The following MELK variants were observed in gnomAD, a reference collection of about 807,000 sequenced individuals.
The protein encoded by MELK is pEg3 kinase.
Under a neutral mutation model 85.0 loss-of-function variants are expected in MELK, and 81 were observed. The observed-to-expected ratio is 0.95, with a 90% CI of 0.80 to 1.15. MELK has a LOEUF of 1.15. MELK is among the 50% of genes most tolerant of loss of function. The pLI is 0.00. For missense variants in MELK, 754 were observed against 777.5 expected, an observed-to-expected ratio of 0.97 and a Z score of 0.36; for synonymous variants, 252 against 265.0, an observed-to-expected ratio of 0.95 and a Z score of 0.48.
At chr9:36,604,268 CTTTTTTTTTT>C (rs10598117) in intron 7 of MELK, among the ~76,000 whole-genome samples, 1 of 33,750 alleles carries the variant, frequency 3.0e-5, no homozygotes, top group East Asian at 1.0e-3. Flanking sequence ...CGCGCCCGGG[CTTTTTTTTTT>C]TTTTTTTTTT....
chr9:36,655,374 G>A (rs1831136124), intron 12 of MELK, among the ~76,000 whole-genome samples: 1 of 151,946 alleles, frequency 6.6e-6, no homozygotes, highest in African/African-American at 2.4e-5. Context: ...ATCAGCAAAA[G>A]CAGGGGCACC....
chr9:36,615,367 G>A (rs1225789341), intron 8 of MELK, among the ~76,000 whole-genome samples: 56 of 120,650 alleles, frequency 4.6e-4, no homozygotes, highest in African/African-American at 1.7e-3. Context: ...CCTCCCTCCC[G>A]GTCGGCACGG....
chr9:36,600,155 G>A (rs548441933), intron 7 of MELK, among the ~76,000 whole-genome samples: 8 of 148,620 alleles, frequency 5.4e-5, no homozygotes, highest in African/African-American at 1.7e-4. Flanking sequence ...GTGCAGTGGC[G>A]CGATCTTGGC....
chr9:36,669,669 C>G lies in MELK; in HGVS notation c.1505+263C>G, dbSNP rs555271449. On this transcript the variant is annotated intron_variant, in intron 15 of 17. Transcript: ENST00000298048. ...GGGAAGACAGTGGTCCTCACCCCAGCCAACTAGTTACCTCTCTGAGGCCCA... is the reference window on the plus strand; with the variant it reads ...GGGAAGACAGTGGTCCTCACCCCAGGCAACTAGTTACCTCTCTGAGGCCCA... Among the ~76,000 whole-genome samples the G allele has an allele frequency of 4.6e-5, 7 of 152,244 alleles. No individual in the cohort carries two copies. The South Asian group carries it at 1.0e-3, about 23-fold the overall frequency.
intron 8 of MELK, among the ~76,000 whole-genome samples, chr9:36,614,876 T>A (rs1462770036): frequency 3.4e-5 from 5 of 147,984 alleles, no homozygotes; most frequent in Non-Finnish European, 7.4e-5. Flanking sequence ...TTTCTCAATC[T>A]TTTCCCCACC....
intron 7 of MELK, among the ~76,000 whole-genome samples, chr9:36,604,653 CT>C (rs796125132): frequency 6.7e-6 from 1 of 150,064 alleles, no homozygotes; most frequent in Non-Finnish European, 1.5e-5. Context: ...ATGCCTGACC[CT>C]TTTTTTTGAG....
At position 36,600,156 on chromosome 9, in the gene MELK, C is replaced by T. The variant is rs754581195; in HGVS notation, c.567+670C>T. On this transcript the variant is annotated intron_variant, in intron 7 of 17. Transcript: ENST00000298048. ...TCACCCAGGCTGGAGTGCAGTGGCGCGATCTTGGCTCACTGCAACCTCCAC... is the reference window on the plus strand; with the variant it reads ...TCACCCAGGCTGGAGTGCAGTGGCGTGATCTTGGCTCACTGCAACCTCCAC... Among the ~76,000 whole-genome samples the T allele has an allele frequency of 3.5e-4, 53 of 151,574 alleles. 1 individual carries two copies. Among genetic ancestry groups the T allele is most frequent in the Non-Finnish European group, 6.0e-4 (41 of 67,892 alleles).
intron 7 of MELK, among the ~76,000 whole-genome samples, chr9:36,604,195 C>G (rs1208921827): frequency 6.6e-6 from 1 of 150,972 alleles, no homozygotes; most frequent in Non-Finnish European, 1.5e-5. Flanking sequence ...TCTTGAACTC[C>G]CAACCTCAGG....
At chr9:36,594,888 T>C in intron 5 of MELK, 117 bp downstream of exon 5, 1 of 1,171,016 alleles carries the variant, frequency 8.5e-7, no homozygotes. Context: ...TTGTTGTTGC[T>C]CCAGTCATAC....
chr9:36,655,539 T>G (rs1386936043), intron 12 of MELK, among the ~76,000 whole-genome samples: 1 of 151,758 alleles, frequency 6.6e-6, no homozygotes, highest in Non-Finnish European at 1.5e-5. Flanking sequence ...AAAATGCACA[T>G]CAGAATTTTA....
intron 3 of MELK, among the ~76,000 whole-genome samples, chr9:36,584,036 C>CGCTCTGTCGCCCA (rs1262077343): frequency 6.6e-6 from 1 of 151,230 alleles, no homozygotes; most frequent in Non-Finnish European, 1.5e-5. Flanking sequence ...GACGGAGTCT[C>CGCTCTGTCGCCCA]GCTCTGTCGC....
chr9:36,654,349 CTTTTTTTTTTTT>C (rs34436735), intron 12 of MELK, among the ~76,000 whole-genome samples: 1 of 84,126 alleles, frequency 1.2e-5, no homozygotes, highest in Non-Finnish European at 2.1e-5. Context: ...ATTGGATTGT[CTTTTTTTTTTTT>C]TTTTTTTTTT....
In MELK at chr9:36,655,344, T is replaced by C. The variant is rs186130837; in HGVS notation, c.1054-1897T>C. ...AAGATGGAAAAGAAGTGGCACAACATTCAGGGCAAGATAAATGGAATCAGC... is the reference window on the plus strand; with the variant it reads ...AAGATGGAAAAGAAGTGGCACAACACTCAGGGCAAGATAAATGGAATCAGC... On this transcript the variant is annotated intron_variant, in intron 12 of 17. Transcript: ENST00000298048. Among the ~76,000 whole-genome samples the C allele has an allele frequency of 2.4e-4, 36 of 152,106 alleles. No homozygotes were observed. In the East Asian group the frequency reaches 6.8e-3, roughly 29 times the overall value.
intron 1 of MELK, among the ~76,000 whole-genome samples, chr9:36,574,708 G>A (rs968408219): frequency 6.6e-6 from 1 of 152,198 alleles, no homozygotes; most frequent in Non-Finnish European, 1.5e-5. Context: ...TAAGGTAAAT[G>A]TATTTATGCG....
At chr9:36,574,252 A>G (rs775358537) in intron 1 of MELK, among the ~76,000 whole-genome samples, 4 of 152,094 alleles carry the variant, frequency 2.6e-5, no homozygotes, top group Non-Finnish European at 4.4e-5. Context: ...GCAAGGGAGC[A>G]GGGCAGGATG....
intron 8 of MELK, among the ~76,000 whole-genome samples, chr9:36,623,993 G>T (rs1827690677): frequency 6.6e-6 from 1 of 152,030 alleles, no homozygotes; most frequent in East Asian, 1.9e-4. Context: ...AGCTCTTACT[G>T]TGTCCATGGT....
chr9:36,617,508 G>A (rs1053626562), intron 8 of MELK, among the ~76,000 whole-genome samples: 15 of 151,882 alleles, frequency 9.9e-5, no homozygotes, highest in Admixed American at 6.6e-4. Context: ...AATATTTTTT[G>A]TAGAGATAAG....
chr9:36,621,275 GAAAAAAAAAAAAAAAAAAAA>G lies in MELK; in HGVS notation c.667-9001_667-8982del, dbSNP rs74181196. On this transcript the variant is annotated intron_variant, in intron 8 of 17. Transcript: ENST00000298048. ...TGACAGAGTGAGACTCTGTCTCAGG[GAAAAAAAAAAAAAAAAAAAA>G]AAAAAAAAAAAAAAAAAAAAAACTT... is the stretch of plus-strand genomic sequence containing the variant. Among the ~76,000 whole-genome samples the G allele has an allele frequency of 2.6e-3, 84 of 32,444 alleles. 4 individuals are homozygous for G. The highest frequency in any genetic ancestry group is 0.016 in the Middle Eastern group (1 of 64). The allele number at this position is 32,444 out of a possible 152,430, so 21.3% of individuals were successfully genotyped here.
chr9:36,666,899 GT>G (rs1367295541), intron 14 of MELK, among the ~76,000 whole-genome samples: 15 of 129,278 alleles, frequency 1.2e-4, no homozygotes, highest in African/African-American at 4.1e-4. Context: ...GTGTGTGTGT[GT>G]GTGTGTGATG....
Sources: gnomAD v4.1 joint callset for allele counts (sites outside exome capture counted in the v4.1 genomes callset) on GRCh38, gnomAD v4.1.1 for gene constraint, MANE v1.5 for transcripts, NCBI Gene and HGNC (gene_info 2026-07-23, HGNC 2026-07-21) for gene names.